Variants in CD276 observed in about 807,000 individuals in gnomAD.
The protein encoded by CD276 is CD276 molecule, also known as CD276 antigen.
CD276 carries 34 observed loss-of-function variants against 50.0 expected under a neutral mutation model. The ratio of observed to expected loss-of-function variants is 0.68; its 90% confidence interval spans 0.52 to 0.91. The LOEUF is 0.91. Ranked by LOEUF, CD276 falls within the 40% of genes least tolerant of loss-of-function variation. The pLI is 0.00. For missense variants in CD276, 634 were observed against 717.5 expected (o/e 0.88, Z 1.33); for synonymous variants, 275 against 313.0 (o/e 0.88, Z 1.28).
chr15:73,694,848 G>A (rs1398393319), intron 1 of CD276, among the ~76,000 whole-genome samples: 2 of 152,212 alleles, frequency 1.3e-5, no homozygotes, highest in Non-Finnish European at 2.9e-5. Flanking sequence ...TATGGAAGAA[G>A]GGGAGAGCTG....
At chr15:73,703,114 G>A (rs1375525032) in intron 4 of CD276, 28 bp downstream of exon 4, 1 of 1,546,094 alleles carries the variant, frequency 6.5e-7, no homozygotes, top group South Asian at 1.2e-5. Flanking sequence ...TCCCCTTGGG[G>A]GAGGGGGGTT....
Position 73,703,902 on chromosome 15 carries a change from G to A in CD276, c.977G>A (p.Arg326Lys). 1 of 1,613,656 alleles carries A rather than the reference G, an allele frequency of 6.2e-7. No homozygotes were observed. The highest frequency in any genetic ancestry group is 8.5e-7 in the Non-Finnish European group (1 of 1,179,998). Residue 326 changes from arginine to lysine, a missense_variant, in exon 5 of 10, where the codon AGG becomes AAG. Physicochemically the swap from Arg to Lys is conservative, Grantham distance 26. Transcript: ENST00000318443. ...CTGGCACAAGGCAATGCATCCCTGA[G>A]GCTGCAGCGCGTGCGTGTGGCGGAC... is the stretch of plus-strand genomic sequence containing the variant. ...DLLAQGNASL[R>K]LQRVRVADEG...
chr15:73,710,275 G>A (rs1900839711), intron 8 of CD276, among the ~76,000 whole-genome samples: 1 of 152,342 alleles, frequency 6.6e-6, no homozygotes, highest in African/African-American at 2.4e-5. Context: ...GTAGCTTTGG[G>A]CAAGGTGCCT....
At chr15:73,705,199 T>C (rs1288118502) in intron 6 of CD276, among the ~76,000 whole-genome samples, 1 of 152,132 alleles carries the variant, frequency 6.6e-6, no homozygotes, top group Non-Finnish European at 1.5e-5. Context: ...CTTCAGTATC[T>C]CTCCCTGGCC....
chr15:73,713,504 T>G lies in CD276; in HGVS notation c.*548T>G, dbSNP rs749049554. 2.4e-5 allele frequency: 7 copies of G among 297,418 alleles called. No individual in the cohort carries two copies. The highest frequency in any genetic ancestry group is 3.2e-5 in the Non-Finnish European group (5 of 155,180). 18.4% of individuals were successfully genotyped at this position (297,418 alleles called of 1,614,324 possible). On this transcript the variant is annotated 3_prime_UTR_variant, in exon 10 of 10. Coordinates refer to ENST00000318443, the MANE Select transcript of CD276 (RefSeq NM_001024736.2). Reference sequence around the variant, plus strand: ...GGGACAGTGCGGCCTCAACATCTCCTGGAGTCTAGAAGCTGTTTCCTTTCC... The same window carrying G: ...GGGACAGTGCGGCCTCAACATCTCCGGGAGTCTAGAAGCTGTTTCCTTTCC...
Position 73,698,707 on chromosome 15 carries a change from C to T in CD276, c.-54-879C>T, listed in dbSNP as rs368651253. The stretch of plus-strand genomic sequence containing the variant: ...TCCCAAGTAGCTGGGATTACAGGTG[C>T]CCACCACCATGCCCAGCTAATTATT... On this transcript the variant is annotated intron_variant, in intron 1 of 9. Transcript: ENST00000318443. Among the ~76,000 whole-genome samples the T allele has an allele frequency of 3.3e-5, 5 of 152,214 alleles. No homozygotes were observed. In the East Asian group the frequency reaches 7.7e-4, roughly 24 times the overall value.
At chr15:73,691,418 C>A (rs376765837) in intron 1 of CD276, among the ~76,000 whole-genome samples, 14 of 152,232 alleles carry the variant, frequency 9.2e-5, no homozygotes, top group African/African-American at 3.4e-4. Flanking sequence ...AGTCCCAGAC[C>A]GTATCCTTCT....
rs1900559881 is a variant in CD276, at chr15:73,704,367, G to A, written c.1264G>A (p.Val422Met). 3 of 1,614,112 alleles carry A rather than the reference G, an allele frequency of 1.9e-6. No individual in the cohort carries two copies. Among genetic ancestry groups the A allele is most frequent in the Non-Finnish European group, 2.5e-6 (3 of 1,180,048 alleles). Residue 422 changes from valine (V) to methionine (M), a missense_variant, in exon 6 of 10, where the codon GTG (valine) becomes ATG (methionine). Transcript: ENST00000318443. The surrounding 1 kb of genome is among the most constrained non-coding windows in gnomAD (Gnocchi z 4.1). The stretch of plus-strand genomic sequence containing the variant: ...GGCCAACGAGCAGGGCTTGTTTGAT[G>A]TGCACAGCGTCCTGCGGGTGGTGCT... ...QMANEQGLFD[V>M]HSVLRVVLGA... is the part of the protein sequence containing the mutation.
chr15:73,696,391 C>G lies in CD276; in HGVS notation c.-54-3195C>G, dbSNP rs116074647. On this transcript the variant is annotated intron_variant, in intron 1 of 9. Coordinates refer to ENST00000318443, the MANE Select transcript of CD276 (RefSeq NM_001024736.2). The stretch of plus-strand genomic sequence containing the variant: ...TCTCCCATTCTCCAGGGAGCACTTC[C>G]TTTCTGAGCTCTGTCTCTTTCTCCT... Among the ~76,000 whole-genome samples, 6 of 152,280 alleles carry G rather than the reference C, an allele frequency of 3.9e-5. No homozygotes were observed. The South Asian group carries it at 1.2e-3, about 32-fold the overall frequency.
Position 73,690,576 on chromosome 15 carries a change from G to A in CD276, c.-55+6116G>A, listed in dbSNP as rs567927781. 53 of 400,564 alleles carry A rather than the reference G, an allele frequency of 1.3e-4. 1 individual carries two copies. Among genetic ancestry groups the A allele is most frequent in the South Asian group, 9.3e-4 (50 of 53,882 alleles). The allele number at this position is 400,564 out of a possible 1,614,324, so 24.8% of individuals were successfully genotyped here. On this transcript the variant is annotated intron_variant, in intron 1 of 9. Coordinates refer to ENST00000318443, the MANE Select transcript of CD276 (RefSeq NM_001024736.2). ...TATCCTATTGTGGAAGGGCATGTGA[G>A]CGTGCAGTACAGACAGTATGGGGGC... is the stretch of plus-strand genomic sequence containing the variant.
At chr15:73,688,663 C>T (rs1211300331) in intron 1 of CD276, among the ~76,000 whole-genome samples, 3 of 152,152 alleles carry the variant, frequency 2.0e-5, no homozygotes, top group Admixed American at 6.5e-5. Context: ...GCCAGCCGGC[C>T]ACCACTCTGG....
intron 7 of CD276, 105 bp from the exon 8 acceptor site, chr15:73,709,543 C>T (rs952589696): frequency 1.7e-6 from 2 of 1,149,244 alleles, no homozygotes; most frequent in Non-Finnish European, 2.6e-6. Context: ...GTCAGGCCCA[C>T]TCAGGCCCTG....
chr15:73,699,552 T>C, intron 1 of CD276, 34 bp from the exon 2 acceptor site: 1 of 1,555,786 alleles, frequency 6.4e-7, no homozygotes, highest in Non-Finnish European at 8.7e-7. Flanking sequence ...GGAGAACCTT[T>C]GGAGACAAAG....
rs138861969 is a variant in CD276 at position 73,708,832 on chromosome 15, C to T, written c.1504+359C>T. On this transcript the variant is annotated intron_variant, in intron 7 of 9. Transcript: ENST00000318443. ...AGCAGGCCAGAGCATGGAAGCTGTG[C>T]GGCACAAATGTAGGCATGCCAGGGG... 1.9e-3 allele frequency: 607 copies of T among 316,302 alleles called. 2 individuals carry two copies. Among genetic ancestry groups the T allele is most frequent in the African/African-American group, 0.012 (560 of 46,688 alleles). The allele number at this position is 316,302 out of a possible 1,614,324, so 19.6% of individuals were successfully genotyped here.
At position 73,687,153 on chromosome 15, in the gene CD276, T is replaced by C. The variant is rs1899803028; in HGVS notation, c.-55+2693T>C. 6.6e-6 allele frequency among the ~76,000 whole-genome samples: 1 copy of C among 152,132 alleles called. No individual in the cohort carries two copies. The highest frequency in any genetic ancestry group is 1.5e-5 in the Non-Finnish European group (1 of 68,004). ...GGCCACGTGTACAGTTATGCAACCC[T>C]TGCCTGCCACCCCCAGTTCTACCGC... On this transcript the variant is annotated intron_variant, in intron 1 of 9. Coordinates refer to ENST00000318443, the MANE Select transcript of CD276 (RefSeq NM_001024736.2). The surrounding 1 kb of genome is among the most constrained non-coding windows in gnomAD (Gnocchi z 4.0).
At position 73,704,295 on chromosome 15, in the gene CD276, G is replaced by T. The variant is rs375349822; in HGVS notation, c.1192G>T (p.Asp398Tyr). The change falls in exon 6 of 10, where the codon GAT (aspartate) becomes TAT (tyrosine). Residue 398 changes from aspartate to tyrosine, a missense_variant. Physicochemically the swap from Asp to Tyr is radical, Grantham distance 160. Coordinates refer to ENST00000318443, the MANE Select transcript of CD276 (RefSeq NM_001024736.2). The surrounding 1 kb of genome is among the most constrained non-coding windows in gnomAD (Gnocchi z 4.1). ...GYPEAEVFWQDGQGVPLTGNV... is the reference protein window; with the variant it reads ...GYPEAEVFWQYGQGVPLTGNV... ...CCCTGAGGCTGAGGTGTTCTGGCAG[G>T]ATGGGCAGGGTGTGCCCCTGACTGG... 1.7e-5 allele frequency: 28 copies of T among 1,613,860 alleles called. No individual in the cohort carries two copies. The highest frequency in any genetic ancestry group is 2.4e-5 in the Non-Finnish European group (28 of 1,180,036).
At position 73,704,441 on chromosome 15, in the gene CD276, G is replaced by A. The variant is rs745353432; in HGVS notation, c.1338G>A (p.Gln446=). 1.5e-5 allele frequency: 25 copies of A among 1,613,686 alleles called. No homozygotes were observed. The highest frequency in any genetic ancestry group is 5.0e-5 in the Admixed American group (3 of 59,966). ...GCCTGGTGCGCAACCCCGTGCTGCA[G>A]CAGGATGCGCACGGCTCTGTCACCA... is the stretch of plus-strand genomic sequence containing the variant. ...YSCLVRNPVL[Q]QDAHGSVTIT... is the part of the protein sequence containing the mutation. The change falls in exon 6 of 10, where the codon CAG becomes CAA. Residue 446 remains glutamine, a synonymous_variant. Transcript: ENST00000318443. The surrounding 1 kb of genome is among the most constrained non-coding windows in gnomAD (Gnocchi z 4.1).
At chr15:73,691,120 C>A (rs1184422935) in intron 1 of CD276, among the ~76,000 whole-genome samples, 2 of 150,264 alleles carry the variant, frequency 1.3e-5, no homozygotes, top group African/African-American at 4.9e-5. Flanking sequence ...CTTGGAAGAC[C>A]AGGAAGAGAA....
rs147193445 is a variant in CD276, at chr15:73,713,553, C to G, written c.*597C>G. 9.6e-6 allele frequency: 3 copies of G among 313,596 alleles called. No individual in the cohort carries two copies. The highest frequency in any genetic ancestry group is 4.8e-5 in the South Asian group (2 of 41,648). 19.4% of individuals were successfully genotyped at this position (313,596 alleles called of 1,614,324 possible). On this transcript the variant is annotated 3_prime_UTR_variant, in exon 10 of 10. Transcript: ENST00000318443. ...CCCCTCCTTCCTCCTCTTGCTCTAGCCTTAATACTGGCCTTTTCCCTCCCT... is the reference window on the plus strand; with the variant it reads ...CCCCTCCTTCCTCCTCTTGCTCTAGGCTTAATACTGGCCTTTTCCCTCCCT...
Sources: gnomAD v4.1 joint callset for allele counts (sites outside exome capture counted in the v4.1 genomes callset) on GRCh38, gnomAD v4.1.1 for gene constraint, Gnocchi (gnomAD v3.1) non-coding constraint, MANE v1.5 for transcripts, NCBI Gene and HGNC (gene_info 2026-07-23, HGNC 2026-07-21) for gene names.